The following NEGR1 variants were observed in gnomAD, a reference collection of about 807,000 sequenced individuals.
The protein encoded by NEGR1 is IgLON family member 4.
In NEGR1, 10 loss-of-function variants were observed where a neutral mutation model predicts 40.9. The observed-to-expected ratio is 0.24, with a 90% CI of 0.15 to 0.42. The LOEUF is 0.42. NEGR1 is among the 10% of genes least tolerant of loss of function. NEGR1 has a pLI of 1.00. For missense variants in NEGR1, 352 were observed against 438.9 expected, an observed-to-expected ratio of 0.80 and a Z score of 1.77; for synonymous variants, 185 against 166.8, an observed-to-expected ratio of 1.11 and a Z score of -0.84.
chr1:71,611,875 C>T (rs1029963023), intron 4 of NEGR1, among the ~76,000 whole-genome samples: 4 of 152,196 alleles, frequency 2.6e-5, no homozygotes, highest in African/African-American at 9.7e-5. Context: ...GTTTCCCCGC[C>T]TCTGAGTATC....
chr1:71,935,837 C>T (rs952043867), intron 1 of NEGR1, among the ~76,000 whole-genome samples: 32 of 152,122 alleles, frequency 2.1e-4, no homozygotes, highest in African/African-American at 6.7e-4. Flanking sequence ...CTTACTCTGT[C>T]GCCCAGGCTG....
At chr1:72,205,942 C>CAA (rs66699045) in intron 1 of NEGR1, among the ~76,000 whole-genome samples, 17 of 115,544 alleles carry the variant, frequency 1.5e-4, no homozygotes, top group African/African-American at 4.6e-4. Context: ...GACTCTGTCT[C>CAA]AAAAAAAAAA....
chr1:71,612,270 G>T (rs1187914521), intron 4 of NEGR1, among the ~76,000 whole-genome samples: 1 of 152,182 alleles, frequency 6.6e-6, no homozygotes, highest in African/African-American at 2.4e-5. Flanking sequence ...ATCATGTACT[G>T]TATTTATGGG....
intron 2 of NEGR1, among the ~76,000 whole-genome samples, chr1:71,781,911 C>T (rs1656730113): frequency 6.6e-6 from 1 of 152,140 alleles, no homozygotes; most frequent in African/African-American, 2.4e-5. Context: ...CCACCTCTCC[C>T]AACGGTGACT....
intron 1 of NEGR1, among the ~76,000 whole-genome samples, chr1:72,191,447 G>C (rs1001414685): frequency 2.0e-5 from 3 of 151,714 alleles, no homozygotes; most frequent in African/African-American, 7.3e-5. Flanking sequence ...GACAGAGAGA[G>C]AAGAGAAATT....
intron 1 of NEGR1, among the ~76,000 whole-genome samples, chr1:72,217,333 T>G (rs923099185): frequency 3.9e-5 from 6 of 152,012 alleles, no homozygotes; most frequent in Non-Finnish European, 7.4e-5. Flanking sequence ...TTGAACTTTT[T>G]CAACAAAAAT....
chr1:71,581,901 G>A (rs1338985553), intron 6 of NEGR1, among the ~76,000 whole-genome samples: 1 of 151,788 alleles, frequency 6.6e-6, no homozygotes, highest in Non-Finnish European at 1.5e-5. Flanking sequence ...ATGGGGTATT[G>A]CCATGTTGCC....
chr1:71,894,454 A>C (rs1276536853), intron 2 of NEGR1, among the ~76,000 whole-genome samples: 1 of 152,174 alleles, frequency 6.6e-6, no homozygotes, highest in Non-Finnish European at 1.5e-5. Flanking sequence ...CTAGGCAAAA[A>C]GCACTATAAC....
chr1:71,792,118 C>T (rs765316394), intron 2 of NEGR1, among the ~76,000 whole-genome samples: 23 of 152,024 alleles, frequency 1.5e-4, no homozygotes, highest in Non-Finnish European at 2.1e-4. Flanking sequence ...CTAGTGTATT[C>T]CTTCTGAGGG....
In NEGR1 at chr1:71,458,473, AG is replaced by A. The variant is rs59401824; in HGVS notation, c.941-50904del. Reference sequence around the variant, plus strand: ...ACTATAGTTATACTTTTCACATAGCAGGTCCTAATTAAATATTTATTTTTGA... The same window carrying A: ...ACTATAGTTATACTTTTCACATAGCAGTCCTAATTAAATATTTATTTTTGA... On this transcript the variant is annotated intron_variant, in intron 6 of 6. Transcript: ENST00000357731. Among the ~76,000 whole-genome samples, 286 of 152,330 alleles carry A rather than the reference AG, an allele frequency of 1.9e-3. 1 individual carries two copies. The highest frequency in any genetic ancestry group is 6.6e-3 in the African/African-American group (273 of 41,568).
At chr1:72,130,726 C>G (rs924433839) in intron 1 of NEGR1, among the ~76,000 whole-genome samples, 15 of 152,164 alleles carry the variant, frequency 9.9e-5, no homozygotes, top group Admixed American at 4.6e-4. Context: ...TCTAGCCATT[C>G]TGACCTCCTC....
chr1:71,522,677 T>C (rs1265987279), intron 6 of NEGR1, among the ~76,000 whole-genome samples: 1 of 151,164 alleles, frequency 6.6e-6, no homozygotes, highest in Non-Finnish European at 1.5e-5. Context: ...CCCTCATGAA[T>C]TGTAAAATGG....
intron 2 of NEGR1, among the ~76,000 whole-genome samples, chr1:71,924,885 A>G (rs1291798349): frequency 6.6e-6 from 1 of 151,648 alleles, no homozygotes; most frequent in Non-Finnish European, 1.5e-5. Context: ...TGTCTAACTA[A>G]TCCTTTTTTT....
At chr1:71,867,132 CACTTGAGGTCAGGAGTTTGAG>C (rs1000239739) in intron 2 of NEGR1, among the ~76,000 whole-genome samples, 9 of 152,254 alleles carry the variant, frequency 5.9e-5, no homozygotes, top group African/African-American at 1.7e-4. Flanking sequence ...GTGGGCGGAT[CACTTGAGGTCAGGAGTTTGAG>C]ACTTGAGGTC....
At chr1:71,966,503 T>C (rs1355185600) in intron 1 of NEGR1, among the ~76,000 whole-genome samples, 1 of 152,174 alleles carries the variant, frequency 6.6e-6, no homozygotes, top group Non-Finnish European at 1.5e-5. Context: ...CTATACCTAC[T>C]GATGGTTGCC....
rs34141206 is a variant in NEGR1 at position 71,558,722 on chromosome 1, CTT to C, written c.940+34093_940+34094del. 2.8e-3 allele frequency among the ~76,000 whole-genome samples: 380 copies of C among 134,252 alleles called. 1 individual carries two copies. Among genetic ancestry groups the C allele is most frequent in the African/African-American group, 8.0e-3 (282 of 35,314 alleles). The allele number at this position is 134,252 out of a possible 152,430, so 88.1% of individuals were successfully genotyped here. A position where few individuals can be genotyped will look rare whatever the true frequency, so the allele number is the denominator to read the frequency against. On this transcript the variant is annotated intron_variant, in intron 6 of 6. Transcript: ENST00000357731. ...ATGCACCTCATCCTTTCTTTTCTTT[CTT>C]TTTTTTTTTTTTTTTTAGCACTTCT...
chr1:72,238,084 A>G (rs892750659), intron 1 of NEGR1, among the ~76,000 whole-genome samples: 1 of 151,872 alleles, frequency 6.6e-6, no homozygotes, highest in Non-Finnish European at 1.5e-5. Flanking sequence ...GATAATCTGT[A>G]ATTGATTAAC....
intron 1 of NEGR1, among the ~76,000 whole-genome samples, chr1:72,089,337 G>C (rs1266999426): frequency 6.6e-6 from 1 of 152,144 alleles, no homozygotes; most frequent in Non-Finnish European, 1.5e-5. Context: ...AGGGCTGGCA[G>C]ACTAAATGAG....
chr1:71,546,507 G>T (rs543553383), intron 6 of NEGR1, among the ~76,000 whole-genome samples: 51 of 151,774 alleles, frequency 3.4e-4, no homozygotes, highest in African/African-American at 1.1e-3. Flanking sequence ...TTTAAAAGTG[G>T]TGATGATAGT....
Sources: gnomAD v4.1 joint callset for allele counts (sites outside exome capture counted in the v4.1 genomes callset) on GRCh38, gnomAD v4.1.1 for gene constraint, MANE v1.5 for transcripts, NCBI Gene and HGNC (gene_info 2026-07-23, HGNC 2026-07-21) for gene names.